The following CRPPA variants were observed in gnomAD, a reference collection of about 807,000 sequenced individuals.
The protein encoded by CRPPA is D-ribitol-5-phosphate cytidylyltransferase.
In CRPPA, 43 loss-of-function variants were observed where a neutral mutation model predicts 52.0. The observed-to-expected ratio is 0.83, with a 90% CI of 0.65 to 1.07. The LOEUF is 1.07. Ranked by LOEUF, CRPPA falls within the 50% of genes least tolerant of loss-of-function variation. The pLI is 0.00. For missense variants in CRPPA, 629 were observed against 551.7 expected, an observed-to-expected ratio of 1.14 and a Z score of -1.40; for synonymous variants, 250 against 203.5, an observed-to-expected ratio of 1.23 and a Z score of -1.94.
At chr7:16,383,982 C>T (rs570573988) in intron 2 of CRPPA, among the ~76,000 whole-genome samples, 36 of 152,322 alleles carry the variant, frequency 2.4e-4, no homozygotes, top group Non-Finnish European at 3.7e-4. Flanking sequence ...CTTTGGCTCG[C>T]GCACGGTGCG....
intron 6 of CRPPA, among the ~76,000 whole-genome samples, chr7:16,274,143 G>A (rs1012984276): frequency 3.3e-5 from 5 of 152,058 alleles, no homozygotes; most frequent in South Asian, 2.1e-4. Context: ...TCTGCCTCCC[G>A]GGTTCACGAC....
At chr7:16,147,756 G>A (rs139523956) in intron 9 of CRPPA, among the ~76,000 whole-genome samples, 1 of 152,172 alleles carries the variant, frequency 6.6e-6, no homozygotes, top group Non-Finnish European at 1.5e-5. Flanking sequence ...ATAAATAAAG[G>A]CATATTAACA....
At chr7:16,329,147 T>C (rs964192449) in intron 3 of CRPPA, among the ~76,000 whole-genome samples, 3 of 152,142 alleles carry the variant, frequency 2.0e-5, no homozygotes, top group African/African-American at 7.2e-5. Flanking sequence ...GCAATTTTAG[T>C]TACAGATTAT....
intron 3 of CRPPA, among the ~76,000 whole-genome samples, chr7:16,369,811 T>C (rs1428654440): frequency 1.3e-5 from 2 of 151,690 alleles, no homozygotes; most frequent in African/African-American, 4.8e-5. Context: ...ACAGGAAAAA[T>C]ACAAAAGAAT....
intron 9 of CRPPA, among the ~76,000 whole-genome samples, chr7:16,186,266 T>C (rs1781502967): frequency 6.6e-6 from 1 of 152,182 alleles, no homozygotes; most frequent in Non-Finnish European, 1.5e-5. Context: ...TATTTGGAGA[T>C]GGGTCTTTTG....
chr7:16,109,202 C>G (rs1246891458), intron 9 of CRPPA, among the ~76,000 whole-genome samples: 2 of 151,342 alleles, frequency 1.3e-5, no homozygotes, highest in Non-Finnish European at 1.5e-5. Flanking sequence ...AGAGAAGACT[C>G]AAATAAAATA....
rs537063358 is a variant in CRPPA at position 16,172,714 on chromosome 7, T to C, written c.1251+43352A>G. On this transcript the variant is annotated intron_variant, in intron 9 of 9. Coordinates refer to ENST00000407010, the MANE Select transcript of CRPPA (RefSeq NM_001101426.4). Reference sequence around the variant, plus strand: ...AGTTCTAGAATAGGCATGTAGGTAATTGACAAGATACTTAACATGGTACTT... The same window carrying C: ...AGTTCTAGAATAGGCATGTAGGTAACTGACAAGATACTTAACATGGTACTT... 7.2e-5 allele frequency among the ~76,000 whole-genome samples: 11 copies of C among 152,304 alleles called. No individual in the cohort carries two copies. In the East Asian group the frequency reaches 1.5e-3, roughly 21 times the overall value.
chr7:16,103,916 T>C (rs1348282228), intron 9 of CRPPA, among the ~76,000 whole-genome samples: 1 of 152,150 alleles, frequency 6.6e-6, no homozygotes, highest in Non-Finnish European at 1.5e-5. Flanking sequence ...TAACATTTAG[T>C]TTCAAAATTT....
At position 16,197,862 on chromosome 7, in the gene CRPPA, C is replaced by T. The variant is rs149358140; in HGVS notation, c.1251+18204G>A. On this transcript the variant is annotated intron_variant, in intron 9 of 9. Coordinates refer to ENST00000407010, the MANE Select transcript of CRPPA (RefSeq NM_001101426.4). Reference sequence around the variant, plus strand: ...TAATCTATGACCTTACCCCCAACCCCGTGCTCTCTGAAATGTGTGCTGTGT... The same window carrying T: ...TAATCTATGACCTTACCCCCAACCCTGTGCTCTCTGAAATGTGTGCTGTGT... Among the ~76,000 whole-genome samples, 1,017 of 150,190 alleles carry T rather than the reference C, an allele frequency of 6.8e-3. 38 individuals are homozygous for T. The highest frequency in any genetic ancestry group is 0.024 in the African/African-American group (969 of 40,710).
At chr7:16,408,854 C>A (rs1788016573) in intron 1 of CRPPA, among the ~76,000 whole-genome samples, 1 of 152,124 alleles carries the variant, frequency 6.6e-6, no homozygotes, top group Non-Finnish European at 1.5e-5. Context: ...ATGACAGAAG[C>A]AGATGTCAGA....
Position 16,350,759 on chromosome 7 carries a change from C to T in CRPPA, c.684+25333G>A, listed in dbSNP as rs557884787. On this transcript the variant is annotated intron_variant, in intron 3 of 9. Transcript: ENST00000407010. ...ATGGCACTAGTAAGTCCTTACCTATCAATAATTACTTTGAAGCTAAATGCA... is the reference window on the plus strand; with the variant it reads ...ATGGCACTAGTAAGTCCTTACCTATTAATAATTACTTTGAAGCTAAATGCA... 3.9e-5 allele frequency among the ~76,000 whole-genome samples: 6 copies of T among 152,200 alleles called. No individual in the cohort carries two copies. The South Asian group carries it at 1.2e-3, about 32-fold the overall frequency.
chr7:16,335,112 G>C (rs776896358), intron 3 of CRPPA, among the ~76,000 whole-genome samples: 5 of 133,288 alleles, frequency 3.8e-5, no homozygotes, highest in Non-Finnish European at 7.6e-5. Flanking sequence ...TTGAGTGCAG[G>C]AGTTCAAGAC....
chr7:16,113,072 A>C (rs1474750110), intron 9 of CRPPA, among the ~76,000 whole-genome samples: 1 of 152,052 alleles, frequency 6.6e-6, no homozygotes, highest in Admixed American at 6.6e-5. Flanking sequence ...TCAGGAAAAT[A>C]AGAAAGCAAG....
intron 8 of CRPPA, among the ~76,000 whole-genome samples, chr7:16,221,143 T>A (rs1195011133): frequency 6.6e-6 from 1 of 152,136 alleles, no homozygotes; most frequent in African/African-American, 2.4e-5. Flanking sequence ...TAACGCCACA[T>A]ATCTACAACT....
intron 3 of CRPPA, among the ~76,000 whole-genome samples, chr7:16,342,021 G>T (rs994303377): frequency 9.2e-5 from 14 of 151,902 alleles, no homozygotes; most frequent in Non-Finnish European, 2.1e-4. Context: ...TGTGCATATT[G>T]GTCTCTGCTG....
intron 9 of CRPPA, among the ~76,000 whole-genome samples, chr7:16,101,956 C>A (rs917782531): frequency 2.6e-5 from 4 of 152,060 alleles, no homozygotes; most frequent in African/African-American, 9.7e-5. Context: ...GAAAAAACTA[C>A]CTTAAATTTC....
intron 9 of CRPPA, among the ~76,000 whole-genome samples, chr7:16,146,148 G>GA (rs573204829): frequency 2.6e-4 from 38 of 148,996 alleles, no homozygotes; most frequent in African/African-American, 8.4e-4. Context: ...CAAGCCAAGA[G>GA]AAAACGGGAA....
At chr7:16,247,667 G>C (rs1453870738) in intron 8 of CRPPA, among the ~76,000 whole-genome samples, 1 of 152,160 alleles carries the variant, frequency 6.6e-6, no homozygotes, top group Non-Finnish European at 1.5e-5. Flanking sequence ...CAATAGACTT[G>C]CCAGACACAG....
At chr7:16,403,140 G>T (rs1787865119) in intron 2 of CRPPA, among the ~76,000 whole-genome samples, 1 of 151,492 alleles carries the variant, frequency 6.6e-6, no homozygotes, top group African/African-American at 2.4e-5. Flanking sequence ...AGTGAGGGGG[G>T]GAAAAAAACA....
Sources: gnomAD v4.1 joint callset for allele counts (sites outside exome capture counted in the v4.1 genomes callset) on GRCh38, gnomAD v4.1.1 for gene constraint, MANE v1.5 for transcripts, NCBI Gene and HGNC (gene_info 2026-07-23, HGNC 2026-07-21) for gene names.